The following IFT88 variants were observed in gnomAD, a reference collection of about 807,000 sequenced individuals.
IFT88 encodes the protein intraflagellar transport protein 88 homolog.
In IFT88, 74 loss-of-function variants were observed where a neutral mutation model predicts 119.5. That is an observed-to-expected ratio of 0.62 (90% confidence interval 0.51 to 0.75). The LOEUF (loss-of-function observed/expected upper bound fraction) is 0.75, where lower values mean the gene tolerates loss of function less well. Ranked by LOEUF, IFT88 falls within the 30% of genes least tolerant of loss-of-function variation. IFT88 has a pLI of 0.00. For missense variants in IFT88, 961 were observed against 977.7 expected (o/e 0.98, Z 0.23); for synonymous variants, 279 against 316.7 (o/e 0.88, Z 1.26).
rs144547708 is a variant in IFT88 at position 20,679,980 on chromosome 13, T to C, written c.2242+8941T>C. 1.0e-2 allele frequency among the ~76,000 whole-genome samples: 1,519 copies of C among 152,286 alleles called. 25 individuals are homozygous for C. Among genetic ancestry groups the C allele is most frequent in the African/African-American group, 0.034 (1,426 of 41,544 alleles). Reference sequence around the variant, plus strand: ...GCTACAGATTGAGAGGTGAGCCTCATAAATGCCCCTTTAGGGGACCAATCA... The same window carrying C: ...GCTACAGATTGAGAGGTGAGCCTCACAAATGCCCCTTTAGGGGACCAATCA... On this transcript the variant is annotated intron_variant, in intron 24 of 25. Coordinates refer to ENST00000351808, the MANE Select transcript of IFT88 (RefSeq NM_006531.5).
At chr13:20,650,127 A>C (rs907586930) in intron 20 of IFT88, among the ~76,000 whole-genome samples, 7 of 152,154 alleles carry the variant, frequency 4.6e-5, no homozygotes, top group African/African-American at 1.7e-4. Context: ...TAACTCAGTC[A>C]GTGAGGCCAG....
chr13:20,603,012 C>T (rs144137854), intron 12 of IFT88, among the ~76,000 whole-genome samples: 2 of 152,196 alleles, frequency 1.3e-5, no homozygotes, highest in East Asian at 3.9e-4. Context: ...TACAGCTATG[C>T]ACACTTATAC....
At chr13:20,662,537 CTA>C (rs1462873402) in intron 22 of IFT88, among the ~76,000 whole-genome samples, 1 of 152,152 alleles carries the variant, frequency 6.6e-6, no homozygotes, top group African/African-American at 2.4e-5. Context: ...TGATGAACAT[CTA>C]TGTCTCTGGA....
In IFT88 at chr13:20,639,548, A is replaced by C. The variant is rs555385496; in HGVS notation, c.1573+1030A>C. Among the ~76,000 whole-genome samples, 5 of 152,296 alleles carry C rather than the reference A, an allele frequency of 3.3e-5. No homozygotes were observed. In the South Asian group the frequency reaches 1.0e-3, roughly 32 times the overall value. The stretch of plus-strand genomic sequence containing the variant: ...GGTGGAGTCTGGGAGAGCCTCATTG[A>C]GAATGTATGTTTCAAGTCATAGAAG... On this transcript the variant is annotated intron_variant, in intron 17 of 25. Transcript: ENST00000351808.
intron 15 of IFT88, among the ~76,000 whole-genome samples, chr13:20,627,188 A>G (rs905938584): frequency 2.0e-5 from 3 of 152,210 alleles, no homozygotes; most frequent in African/African-American, 7.2e-5. Flanking sequence ...GACTTTTCAA[A>G]GTATCTATCC....
At chr13:20,569,914 G>A (rs865823380) in intron 1 of IFT88, among the ~76,000 whole-genome samples, 3 of 151,728 alleles carry the variant, frequency 2.0e-5, no homozygotes, top group Non-Finnish European at 4.4e-5. Flanking sequence ...GCTTGGTGGC[G>A]GGTGCCTGTA....
chr13:20,656,384 A>G lies in IFT88; in HGVS notation c.2022A>G (p.Leu674=). The part of the protein sequence containing the change: ...FRRSGNYQKA[L]DTYKDTHRKF... ...TTATAGGTAACTACCAAAAAGCATT[A>G]GATACTTACAAAGATACTCACAGAA... Residue 674 remains leucine (L), a synonymous_variant, in exon 22 of 26, where the codon TTA becomes TTG. Transcript: ENST00000351808. 2 of 1,499,750 alleles carry G rather than the reference A, an allele frequency of 1.3e-6. No homozygotes were observed. The highest frequency in any genetic ancestry group is 1.9e-5 in the Admixed American group (1 of 53,886). The allele number at this position is 1,499,750 out of a possible 1,614,324, so 92.9% of individuals were successfully genotyped here.
intron 4 of IFT88, 133 bp downstream of exon 4, chr13:20,590,000 A>T (rs1323214450): frequency 2.1e-6 from 1 of 487,568 alleles, no homozygotes; most frequent in African/African-American, 1.9e-5. Context: ...ACTTACAAAC[A>T]TTATACAAGT....
intron 20 of IFT88, among the ~76,000 whole-genome samples, chr13:20,650,548 A>G (rs2051473378): frequency 6.6e-6 from 1 of 152,174 alleles, no homozygotes; most frequent in African/African-American, 2.4e-5. Context: ...CTTTCTTAAG[A>G]TCAGAAACAA....
chr13:20,680,591 G>A (rs1026302480), intron 24 of IFT88, among the ~76,000 whole-genome samples: 4 of 152,098 alleles, frequency 2.6e-5, no homozygotes, highest in Non-Finnish European at 2.9e-5. Flanking sequence ...ATTTTCTTCC[G>A]CCATCTGTGT....
chr13:20,656,563 T>C (rs2052848776), intron 22 of IFT88, 133 bp downstream of exon 22: 1 of 388,168 alleles, frequency 2.6e-6, no homozygotes, highest in Non-Finnish European at 4.7e-6. Context: ...ATTTTAAATA[T>C]TTTTATAGCA....
intron 2 of IFT88, among the ~76,000 whole-genome samples, chr13:20,578,277 G>A (rs1455997030): frequency 6.7e-6 from 1 of 149,884 alleles, no homozygotes; most frequent in South Asian, 2.1e-4. Context: ...TCGATCTCCT[G>A]ACCTCATGAT....
intron 1 of IFT88, among the ~76,000 whole-genome samples, chr13:20,572,832 A>G (rs1423804570): frequency 6.6e-6 from 1 of 152,162 alleles, no homozygotes; most frequent in Non-Finnish European, 1.5e-5. Context: ...TCTACCGCAA[A>G]TTAGCTTTGC....
intron 23 of IFT88, among the ~76,000 whole-genome samples, chr13:20,666,394 T>G (rs2054687598): frequency 6.6e-6 from 1 of 152,152 alleles, no homozygotes; most frequent in East Asian, 1.9e-4. Flanking sequence ...TGCCCTCTGT[T>G]CATCTCATTG....
intron 13 of IFT88, chr13:20,608,212 T>G: frequency 3.6e-6 from 1 of 278,166 alleles, no homozygotes; most frequent in South Asian, 5.5e-5. Flanking sequence ...CCCACAGCAG[T>G]TTCAGAAACT....
chr13:20,599,020 T>G (rs2042190638), intron 10 of IFT88, among the ~76,000 whole-genome samples: 1 of 152,056 alleles, frequency 6.6e-6, no homozygotes, highest in South Asian at 2.1e-4. Context: ...GTGCTTTTCC[T>G]TATATAAATT....
At chr13:20,655,597 G>A (rs1265347477) in intron 21 of IFT88, among the ~76,000 whole-genome samples, 10 of 151,944 alleles carry the variant, frequency 6.6e-5, no homozygotes, top group Admixed American at 3.9e-4. Flanking sequence ...GGGTTCAAGC[G>A]ATTCTCCTGT....
intron 16 of IFT88, among the ~76,000 whole-genome samples, chr13:20,635,053 G>A (rs2048818340): frequency 6.7e-6 from 1 of 148,690 alleles, no homozygotes; most frequent in Non-Finnish European, 1.5e-5. Context: ...TGCAGTGTTT[G>A]GTTTTTTGTC....
At chr13:20,586,907 A>AT (rs5802080) in intron 3 of IFT88, among the ~76,000 whole-genome samples, 126,411 of 151,630 alleles carry the variant, frequency 0.83, 53,008 homozygotes, top group East Asian at 0.98. Context: ...GTTTTTTCCC[A>AT]TTTTTTTTAA....
Sources: gnomAD v4.1 joint callset for allele counts (sites outside exome capture counted in the v4.1 genomes callset) on GRCh38, gnomAD v4.1.1 for gene constraint, MANE v1.5 for transcripts, NCBI Gene and HGNC (gene_info 2026-07-23, HGNC 2026-07-21) for gene names.